COLGALT2: variants seen among roughly 807,000 people sequenced by gnomAD.
The protein encoded by COLGALT2 is collagen beta(1-O)galactosyltransferase 2.
In COLGALT2, 49 loss-of-function variants were observed where a neutral mutation model predicts 73.4. That is an observed-to-expected ratio of 0.67 (90% confidence interval 0.53 to 0.85). The LOEUF (loss-of-function observed/expected upper bound fraction) is 0.85, where lower values mean the gene tolerates loss of function less well. Ranked by LOEUF, COLGALT2 falls within the 40% of genes least tolerant of loss-of-function variation. The probability of loss-of-function intolerance (pLI) is 0.00; values close to 1 mark genes in which losing one functional copy is unlikely to be tolerated. For synonymous variants in COLGALT2, 295 were observed against 307.6 expected (o/e 0.96, Z 0.43); for missense variants, 722 against 790.2 (o/e 0.91, Z 1.03).
intron 1 of COLGALT2, among the ~76,000 whole-genome samples, chr1:183,982,507 C>T (rs574301674): frequency 8.4e-4 from 128 of 152,288 alleles, no homozygotes; most frequent in African/African-American, 2.9e-3. Context: ...CATAAAGCAC[C>T]TTATTCTTCA....
At chr1:183,975,013 T>G in intron 3 of COLGALT2, 84 bp downstream of exon 3, 1 of 920,750 alleles carries the variant, frequency 1.1e-6, no homozygotes, top group Non-Finnish European at 1.7e-6. Flanking sequence ...TTGTTTTGAT[T>G]GCTTCCATGG....
chr1:183,936,769 A>G lies in COLGALT2; in HGVS notation c.*1992T>C. The G allele has an allele frequency of 2.4e-6, 3 of 1,231,402 alleles. No individual in the cohort carries two copies. The highest frequency in any genetic ancestry group is 3.0e-6 in the Non-Finnish European group (3 of 987,942). 76.3% of individuals were successfully genotyped at this position (1,231,402 alleles called of 1,614,324 possible). On this transcript the variant is annotated 3_prime_UTR_variant, in exon 12 of 12. Transcript: ENST00000361927. Reference sequence around the variant, plus strand: ...GGGGGTGGGTGGGAAAGGAAGTCACACTGACAGCTAAGTCTAAGCGGCACA... The same window carrying G: ...GGGGGTGGGTGGGAAAGGAAGTCACGCTGACAGCTAAGTCTAAGCGGCACA...
At position 183,938,959 on chromosome 1, in the gene COLGALT2, G is replaced by A; in HGVS notation, c.1683C>T (p.His561=). 2 of 1,614,132 alleles carry A rather than the reference G, an allele frequency of 1.2e-6. No homozygotes were observed. Among genetic ancestry groups the A allele is most frequent in the Middle Eastern group, 1.6e-4 (1 of 6,062 alleles). The change falls in exon 12 of 12, where the codon CAC becomes CAT. Residue 561 remains histidine (H), a synonymous_variant. Transcript: ENST00000361927. ...TCAGGTACCCCGGCTGGCCTGTGTA[G>A]TGCGTAGGGTAGATGAGCAAGGGTT... ...SAEPLLIYPT[H]YTGQPGYLSD... is the part of the protein sequence containing the mutation.
At chr1:183,977,836 A>AGAGAGAAAGAAG (rs1263866415) in intron 2 of COLGALT2, among the ~76,000 whole-genome samples, 17 of 132,452 alleles carry the variant, frequency 1.3e-4, no homozygotes, top group African/African-American at 4.7e-4. Flanking sequence ...GAGAGAGAGA[A>AGAGAGAAAGAAG]AGAAGAGAAG....
In COLGALT2 at chr1:183,978,420, C is replaced by T. The variant is rs767838994; in HGVS notation, c.364G>A (p.Asp122Asn). The change falls in exon 2 of 12, where the codon GAT (aspartate) becomes AAT (asparagine). Residue 122 changes from aspartate to asparagine, a missense_variant. Coordinates refer to ENST00000361927, the MANE Select transcript of COLGALT2 (RefSeq NM_015101.4). The stretch of plus-strand genomic sequence containing the variant: ...GCACTTGCTACTCACTCTGGTTCAT[C>T]CATAGGCCTCCACTCCACATAGTGA... ...LYHYVEWRPM[D>N]EPESYPDEIG... 26 of 1,596,588 alleles carry T rather than the reference C, an allele frequency of 1.6e-5. No homozygotes were observed. The highest frequency in any genetic ancestry group is 2.2e-5 in the Non-Finnish European group (26 of 1,164,784).
intron 2 of COLGALT2, among the ~76,000 whole-genome samples, chr1:183,975,733 T>C (rs980414931): frequency 7.2e-5 from 11 of 152,208 alleles, no homozygotes; most frequent in African/African-American, 2.7e-4. Flanking sequence ...TGATCTATCT[T>C]AGGTAAAGTG....
intron 1 of COLGALT2, among the ~76,000 whole-genome samples, chr1:183,990,704 G>A (rs1671607654): frequency 6.6e-6 from 1 of 152,232 alleles, no homozygotes; most frequent in Non-Finnish European, 1.5e-5. Flanking sequence ...AACAACATAT[G>A]TGGAGGCAGA....
Position 183,953,664 on chromosome 1 carries a change from G to A in COLGALT2, c.1029+1098C>T, listed in dbSNP as rs571795542. Among the ~76,000 whole-genome samples the A allele has an allele frequency of 1.4e-4, 21 of 152,248 alleles. 1 individual carries two copies. The South Asian group carries it at 4.4e-3, about 32-fold the overall frequency. ...TCATTTTTAAAAACTATTTGCAAAT[G>A]AGTCTTATTCCTCTCTACTACATGC... On this transcript the variant is annotated intron_variant, in intron 7 of 11. Transcript: ENST00000361927.
intron 6 of COLGALT2, among the ~76,000 whole-genome samples, chr1:183,962,290 A>C (rs569112692): frequency 8.4e-4 from 126 of 150,484 alleles, no homozygotes; most frequent in African/African-American, 3.0e-3. Context: ...CTTCCGAGTA[A>C]CTGGGACTAC....
At chr1:184,034,940 A>G (rs1431259879) in intron 1 of COLGALT2, among the ~76,000 whole-genome samples, 4 of 152,212 alleles carry the variant, frequency 2.6e-5, no homozygotes, top group Non-Finnish European at 5.9e-5. Context: ...GAAAAGAACT[A>G]TTTAGAAACT....
Position 183,964,040 on chromosome 1 carries a change from A to C in COLGALT2, c.833-20T>G. The C allele has an allele frequency of 6.2e-7, 1 of 1,611,594 alleles. No homozygotes were observed. The highest frequency in any genetic ancestry group is 8.5e-7 in the Non-Finnish European group (1 of 1,178,778). On this transcript the variant is annotated intron_variant, in intron 5 of 11. Transcript: ENST00000361927. Reference sequence around the variant, plus strand: ...GGATGCCTGAGGATCCAAGAGAGGGACAAAGCCAACAATCAGAAAACATAC... The same window carrying C: ...GGATGCCTGAGGATCCAAGAGAGGGCCAAAGCCAACAATCAGAAAACATAC...
intron 1 of COLGALT2, among the ~76,000 whole-genome samples, chr1:184,011,166 C>T (rs1032563426): frequency 6.6e-6 from 1 of 152,172 alleles, no homozygotes; most frequent in African/African-American, 2.4e-5. Flanking sequence ...ATCCACATTT[C>T]CTCTTTCTCC....
At chr1:183,940,015 A>G (rs1214805074) in intron 11 of COLGALT2, among the ~76,000 whole-genome samples, 1 of 152,214 alleles carries the variant, frequency 6.6e-6, no homozygotes, top group East Asian at 1.9e-4. Context: ...CTCCTGGGCT[A>G]TGGGAGCCCC....
chr1:183,996,261 C>A (rs1671768153), intron 1 of COLGALT2, among the ~76,000 whole-genome samples: 1 of 152,156 alleles, frequency 6.6e-6, no homozygotes, highest in Admixed American at 6.5e-5. Flanking sequence ...ACCCTGTGAT[C>A]CCTTCAGGCT....
chr1:183,967,621 A>G, intron 5 of COLGALT2, among the ~76,000 whole-genome samples: 1 of 152,182 alleles, frequency 6.6e-6, no homozygotes, highest in South Asian at 2.1e-4. Flanking sequence ...CATCATAATA[A>G]TGCTTTGTGC....
At chr1:183,952,441 A>G (rs1368466589) in intron 7 of COLGALT2, among the ~76,000 whole-genome samples, 1 of 152,204 alleles carries the variant, frequency 6.6e-6, no homozygotes, top group African/African-American at 2.4e-5. Flanking sequence ...AATGTTTAAG[A>G]CAGGTGGTTT....
chr1:184,024,488 G>T (rs1382472094), intron 1 of COLGALT2, among the ~76,000 whole-genome samples: 1 of 151,696 alleles, frequency 6.6e-6, no homozygotes, highest in African/African-American at 2.4e-5. Flanking sequence ...GAGTAGCTGA[G>T]ATTACAGGTG....
At chr1:183,951,897 A>T (rs557697185) in intron 7 of COLGALT2, among the ~76,000 whole-genome samples, 1 of 152,362 alleles carries the variant, frequency 6.6e-6, no homozygotes, top group African/African-American at 2.4e-5. Context: ...AGCTGTCCTG[A>T]GCAAAAAGAA....
chr1:183,991,672 T>G (rs888881950), intron 1 of COLGALT2, among the ~76,000 whole-genome samples: 7 of 152,232 alleles, frequency 4.6e-5, no homozygotes, highest in African/African-American at 1.7e-4. Flanking sequence ...ACTTCATTTG[T>G]GGTTCCTTCA....
Sources: gnomAD v4.1 joint callset for allele counts (sites outside exome capture counted in the v4.1 genomes callset) on GRCh38, gnomAD v4.1.1 for gene constraint, MANE v1.5 for transcripts, NCBI Gene and HGNC (gene_info 2026-07-23, HGNC 2026-07-21) for gene names.